The following HECTD4 variants were observed in gnomAD, a reference collection of about 807,000 sequenced individuals.
HECTD4 encodes probable E3 ubiquitin-protein ligase HECTD4.
HECTD4 carries 114 observed loss-of-function variants against 471.5 expected under a neutral mutation model. The ratio of observed to expected loss-of-function variants is 0.24; its 90% CI spans 0.21 to 0.28. The LOEUF (loss-of-function observed/expected upper bound fraction) is 0.28. Ranked by LOEUF, HECTD4 falls within the 10% of genes least tolerant of loss-of-function variation. HECTD4 has a pLI of 1.00. For missense variants in HECTD4, 3,866 were observed against 5,651.5 expected (o/e 0.68, Z 10.13); for synonymous variants, 2,012 against 2,256.0 (o/e 0.89, Z 3.07).
chr12:112,317,769 A>AGCCTGGGCAACAAGGCT (rs2035507673), intron 2 of HECTD4, among the ~76,000 whole-genome samples: 3 of 152,010 alleles, frequency 2.0e-5, no homozygotes, highest in Non-Finnish European at 4.4e-5. Context: ...GCTTCAGCTC[A>AGCCTGGGCAACAAGGCT]GGAGTTTGAG....
chr12:112,207,623 AGTTTC>A (rs1466650117), intron 52 of HECTD4, among the ~76,000 whole-genome samples: 1,972 of 152,328 alleles, frequency 0.013, 50 homozygotes, highest in African/African-American at 0.045. Context: ...CAGACCACAG[AGTTTC>A]CCAGTATAAC....
At chr12:112,255,082 A>G (rs1479335083) in intron 21 of HECTD4, among the ~76,000 whole-genome samples, 1 of 152,182 alleles carries the variant, frequency 6.6e-6, no homozygotes, top group Non-Finnish European at 1.5e-5. Context: ...TTATCCATGT[A>G]GTAAGCCTCT....
intron 7 of HECTD4, among the ~76,000 whole-genome samples, chr12:112,295,824 T>TACACACAC (rs368319930): frequency 1.3e-5 from 2 of 149,170 alleles, no homozygotes; most frequent in South Asian, 2.1e-4. Flanking sequence ...TATATATATA[T>TACACACAC]ACACACACAC....
intron 2 of HECTD4, among the ~76,000 whole-genome samples, chr12:112,316,122 C>G (rs1480947917): frequency 6.6e-6 from 1 of 152,108 alleles, no homozygotes; most frequent in African/African-American, 2.4e-5. Context: ...ACTTCATCTC[C>G]TGCCCCTCTC....
chr12:112,185,583 C>T (rs2031833056), intron 60 of HECTD4, 90 bp from the exon 61 acceptor site: 3 of 994,640 alleles, frequency 3.0e-6, no homozygotes, highest in African/African-American at 1.6e-5. Flanking sequence ...ACCCTCATAA[C>T]AACCCTGTGA....
At chr12:112,280,178 A>G (rs1279737931) in intron 8 of HECTD4, among the ~76,000 whole-genome samples, 1 of 152,246 alleles carries the variant, frequency 6.6e-6, no homozygotes, top group Non-Finnish European at 1.5e-5. Context: ...CACAATATCT[A>G]TCACAAAACA....
Position 112,319,433 on chromosome 12 carries a change from A to G in HECTD4, c.487T>C (p.Ser163Pro). Residue 163 changes from serine to proline, a missense_variant, in exon 2 of 76, where the codon TCT (serine) becomes CCT (proline). By Grantham distance (74) the Ser-to-Pro change is moderately conservative. This residue lies in a region of HECTD4 where 440 missense variants were observed against 636.0 expected (regional missense o/e 0.69). Coordinates refer to ENST00000682272, the MANE Select transcript of HECTD4 (RefSeq NM_001388303.1). This position sits in a 1 kb window ranked among gnomAD's most constrained non-coding sequence, Gnocchi z 5.3. ...ACCTCAGCAGTTATGTTACAGAGAG[A>G]GGGGTCTGTTCTACTCTGGGACTGA... ...LIQSQSRTDPSLCNITAEVLL... is the reference protein window; with the variant it reads ...LIQSQSRTDPPLCNITAEVLL... 6.5e-7 allele frequency: 1 copy of G among 1,536,022 alleles called. No individual in the cohort carries two copies. Among genetic ancestry groups the G allele is most frequent in the Non-Finnish European group, 8.7e-7 (1 of 1,146,840 alleles).
At position 112,213,388 on chromosome 12, in the gene HECTD4, T is replaced by C. The variant is rs952222853; in HGVS notation, c.7466-738A>G. Reference sequence around the variant, plus strand: ...CTCCGGTGAATATTCAGAAATGGCCTAAAAATATATAATTTAGGCCGGGCA... The same window carrying C: ...CTCCGGTGAATATTCAGAAATGGCCCAAAAATATATAATTTAGGCCGGGCA... On this transcript the variant is annotated intron_variant, in intron 48 of 75. Coordinates refer to ENST00000682272, the MANE Select transcript of HECTD4 (RefSeq NM_001388303.1). The surrounding 1 kb of genome is among the most constrained non-coding windows in gnomAD (Gnocchi z 4.0). Among the ~76,000 whole-genome samples the C allele has an allele frequency of 6.6e-6, 1 of 152,056 alleles. No individual in the cohort carries two copies. The highest frequency in any genetic ancestry group is 6.6e-5 in the Admixed American group (1 of 15,252).
chr12:112,243,604 G>T lies in HECTD4; in HGVS notation c.4791+16C>A, dbSNP rs777670915. The T allele has an allele frequency of 1.9e-6, 3 of 1,605,538 alleles. No homozygotes were observed. Among genetic ancestry groups the T allele is most frequent in the Non-Finnish European group, 2.6e-6 (3 of 1,175,270 alleles). The stretch of plus-strand genomic sequence containing the variant: ...GTTAGGTGCTATTCATCTGGAGCCC[G>T]CAAAATGTGACGTACAGCTTGGTCA... On this transcript the variant is annotated intron_variant, in intron 31 of 75. Coordinates refer to ENST00000682272, the MANE Select transcript of HECTD4 (RefSeq NM_001388303.1). This position sits in a 1 kb window ranked among gnomAD's most constrained non-coding sequence, Gnocchi z 6.6.
chr12:112,232,366 G>C (rs2033402205), intron 38 of HECTD4, among the ~76,000 whole-genome samples: 2 of 152,160 alleles, frequency 1.3e-5, no homozygotes, highest in Non-Finnish European at 2.9e-5. Context: ...CTGACCTCAG[G>C]TGATCCACCT....
At chr12:112,230,660 T>C in intron 40 of HECTD4, 27 bp downstream of exon 40, 1 of 1,583,812 alleles carries the variant, frequency 6.3e-7, no homozygotes, top group Non-Finnish European at 8.6e-7. Flanking sequence ...TCTTATTTTC[T>C]CAGTTGAGTA....
intron 8 of HECTD4, among the ~76,000 whole-genome samples, chr12:112,281,304 T>A (rs912286751): frequency 2.6e-5 from 4 of 152,158 alleles, no homozygotes; most frequent in South Asian, 2.1e-4. Context: ...GACCACATGT[T>A]TAGAATACAG....
intron 7 of HECTD4, among the ~76,000 whole-genome samples, chr12:112,298,126 C>A (rs183936783): frequency 5.4e-4 from 82 of 151,950 alleles, no homozygotes; most frequent in Non-Finnish European, 4.0e-4. Context: ...GGAGAGGAGG[C>A]AAAGACAATG....
intron 13 of HECTD4, among the ~76,000 whole-genome samples, chr12:112,269,401 A>G (rs2034366176): frequency 6.6e-6 from 1 of 152,110 alleles, no homozygotes; most frequent in Non-Finnish European, 1.5e-5. Flanking sequence ...ACCCTGCCAC[A>G]CTCTGCAAAA....
chr12:112,175,942 C>A, intron 65 of HECTD4, 83 bp from the exon 66 acceptor site: 4 of 1,538,584 alleles, frequency 2.6e-6, no homozygotes, highest in South Asian at 1.2e-5. Flanking sequence ...CTCACCACAG[C>A]CTCTCCCCTA....
chr12:112,204,122 A>T (rs1229145936), intron 53 of HECTD4, among the ~76,000 whole-genome samples: 1 of 151,392 alleles, frequency 6.6e-6, no homozygotes, highest in Admixed American at 6.6e-5. Context: ...GGCTCACTGC[A>T]ACCTCCGCCT....
chr12:112,244,553 T>G (rs544187832), intron 29 of HECTD4, among the ~76,000 whole-genome samples: 1 of 152,110 alleles, frequency 6.6e-6, no homozygotes, highest in Non-Finnish European at 1.5e-5. Flanking sequence ...ATTTTTTTAG[T>G]AGAGACGGGG....
At position 112,315,134 on chromosome 12, in the gene HECTD4, G is replaced by C. The variant is rs564375736; in HGVS notation, c.696-588C>G. Among the ~76,000 whole-genome samples the C allele has an allele frequency of 2.6e-5, 4 of 152,302 alleles. No homozygotes were observed. In the East Asian group the frequency reaches 5.8e-4, roughly 22 times the overall value. ...TTCCTTGTGGTTTCCAAGACTCAAG[G>C]CTCTGGGAAGTCTGTCATATGGTCA... On this transcript the variant is annotated intron_variant, in intron 2 of 75. Coordinates refer to ENST00000682272, the MANE Select transcript of HECTD4 (RefSeq NM_001388303.1).
rs571028669 is a variant in HECTD4 at position 112,217,157 on chromosome 12, C to T, written c.7113G>A (p.Pro2371=). ...ATGAGAACATGCAGGCTCGAACAGG[C>T]GGAAACACTCGCGAGGGGCTCCAAG... ...EITWSPSRVF[P]PVRACMFSSH... The change falls in exon 46 of 76, where the codon CCG becomes CCA. Residue 2371 remains proline, a synonymous_variant. Transcript: ENST00000682272. 18 of 1,550,368 alleles carry T rather than the reference C, an allele frequency of 1.2e-5. 1 individual carries two copies. Among genetic ancestry groups the T allele is most frequent in the Middle Eastern group, 3.5e-4 (2 of 5,724 alleles).
Sources: gnomAD v4.1 joint callset for allele counts (sites outside exome capture counted in the v4.1 genomes callset) on GRCh38, gnomAD v4.1.1 for gene constraint, gnomAD v4.1.1 regional missense constraint, Gnocchi (gnomAD v3.1) non-coding constraint, MANE v1.5 for transcripts, NCBI Gene and HGNC (gene_info 2026-07-23, HGNC 2026-07-21) for gene names.